PREX2: variants seen among roughly 807,000 people sequenced by gnomAD.
PREX2 encodes phosphatidylinositol 3,4,5-trisphosphate-dependent Rac exchanger 2 protein.
PREX2 carries 107 observed loss-of-function variants against 203.2 expected under a neutral mutation model. The observed-to-expected ratio is 0.53, with a 90% CI of 0.45 to 0.62. PREX2 has a LOEUF of 0.62. PREX2 is among the 20% of genes least tolerant of loss of function. The pLI is 0.00. For missense variants in PREX2, 1,777 were observed against 1,955.9 expected (o/e 0.91, Z 1.72); for synonymous variants, 672 against 663.6 (o/e 1.01, Z -0.19).
At chr8:68,141,063 G>T (rs916470766) in intron 33 of PREX2, among the ~76,000 whole-genome samples, 1 of 152,070 alleles carries the variant, frequency 6.6e-6, no homozygotes, top group African/African-American at 2.4e-5. Flanking sequence ...GGCTTTTTTG[G>T]CATGGAACTT....
chr8:68,103,401 C>T (rs1230809115), intron 23 of PREX2, among the ~76,000 whole-genome samples: 3 of 152,184 alleles, frequency 2.0e-5, no homozygotes, highest in African/African-American at 7.2e-5. Context: ...AAATGTGCTG[C>T]TATAGTCAAT....
chr8:68,087,499 G>A (rs1809728838), intron 18 of PREX2, among the ~76,000 whole-genome samples: 1 of 152,152 alleles, frequency 6.6e-6, no homozygotes, highest in Admixed American at 6.5e-5. Flanking sequence ...ACACTCCAAT[G>A]TTCCTTTTTC....
chr8:68,138,029 AAAC>A (rs1400310251), intron 32 of PREX2, among the ~76,000 whole-genome samples: 18 of 152,230 alleles, frequency 1.2e-4, no homozygotes, highest in Non-Finnish European at 2.4e-4. Context: ...CTTTTAAATA[AAAC>A]AACATTTTTG....
chr8:68,132,026 T>C (rs1209504299), intron 31 of PREX2, among the ~76,000 whole-genome samples: 2 of 152,170 alleles, frequency 1.3e-5, no homozygotes, highest in African/African-American at 4.8e-5. Flanking sequence ...ACTTATTTAG[T>C]TTCTGTCGTG....
At chr8:68,127,257 A>T in intron 30 of PREX2, 121 bp from the exon 31 acceptor site, 1 of 684,738 alleles carries the variant, frequency 1.5e-6, no homozygotes, top group Non-Finnish European at 2.4e-6. Context: ...TGGCAAAACC[A>T]CAACTACTTT....
chr8:67,991,656 T>G (rs1806612712), intron 1 of PREX2, among the ~76,000 whole-genome samples: 1 of 152,118 alleles, frequency 6.6e-6, no homozygotes, highest in African/African-American at 2.4e-5. Context: ...GGTCTCTCCC[T>G]TGACACGTGG....
At chr8:68,021,926 G>A in intron 3 of PREX2, 110 bp from the exon 4 acceptor site, 1 of 635,176 alleles carries the variant, frequency 1.6e-6, no homozygotes, top group Non-Finnish European at 2.8e-6. Flanking sequence ...ACGCAGTATA[G>A]CTCTTAAAAC....
chr8:67,970,010 T>C (rs181017261), intron 1 of PREX2, among the ~76,000 whole-genome samples: 1 of 152,332 alleles, frequency 6.6e-6, no homozygotes, highest in African/African-American at 2.4e-5. Flanking sequence ...TCCTAGTACC[T>C]TCCATATTTT....
chr8:68,116,463 C>G (rs1404363844), intron 26 of PREX2, among the ~76,000 whole-genome samples: 1 of 152,156 alleles, frequency 6.6e-6, no homozygotes, highest in Non-Finnish European at 1.5e-5. Flanking sequence ...TTACTACAAA[C>G]TGGGCAGCTT....
At chr8:68,049,666 A>G (rs1210118113) in intron 8 of PREX2, among the ~76,000 whole-genome samples, 2 of 152,138 alleles carry the variant, frequency 1.3e-5, no homozygotes, top group East Asian at 1.9e-4. Context: ...AAGAATGGCA[A>G]TTTAAAACCT....
chr8:68,097,978 C>T (rs557538625), intron 22 of PREX2, among the ~76,000 whole-genome samples: 82 of 152,236 alleles, frequency 5.4e-4, no homozygotes, highest in African/African-American at 1.9e-3. Context: ...TGAATAGATC[C>T]TCTGATATTT....
chr8:68,161,583 C>G (rs1811654144), intron 35 of PREX2, among the ~76,000 whole-genome samples: 1 of 152,134 alleles, frequency 6.6e-6, no homozygotes, highest in Non-Finnish European at 1.5e-5. Flanking sequence ...GATCCATCTT[C>G]CGCAAACCTT....
In PREX2 at chr8:68,134,178, A is replaced by G; in HGVS notation, c.3886A>G (p.Asn1296Asp). The G allele has an allele frequency of 6.2e-7, 1 of 1,614,130 alleles. No individual in the cohort carries two copies. The highest frequency in any genetic ancestry group is 8.5e-7 in the Non-Finnish European group (1 of 1,180,002). ...LNQMFDNSKE[N>D]EMETWEASRR... ...CCAGATGTTTGACAACAGCAAGGAAAATGAGATGGAAACTTGGGAAGCCAG... is the reference window on the plus strand; with the variant it reads ...CCAGATGTTTGACAACAGCAAGGAAGATGAGATGGAAACTTGGGAAGCCAG... Residue 1296 changes from asparagine (N) to aspartate (D), a missense_variant, in exon 32 of 40, where the codon AAT becomes GAT. Transcript: ENST00000288368.
At position 68,234,175 on chromosome 8, in the gene PREX2, G is replaced by A. The variant is rs965729649; in HGVS notation, c.*2797G>A. On this transcript the variant is annotated 3_prime_UTR_variant, in exon 40 of 40. Coordinates refer to ENST00000288368, the MANE Select transcript of PREX2 (RefSeq NM_024870.4). ...GGTAAGAGTAAAAAACATACCTAAT[G>A]GATGAATGAATAATGACAATTTTTT... is the stretch of plus-strand genomic sequence containing the variant. 1 of 152,046 alleles carries A rather than the reference G, an allele frequency of 6.6e-6. No homozygotes were observed. Among genetic ancestry groups the A allele is most frequent in the Admixed American group, 6.6e-5 (1 of 15,250 alleles). The allele number at this position is 152,046 out of a possible 1,614,324, so 9.4% of individuals were successfully genotyped here.
intron 35 of PREX2, among the ~76,000 whole-genome samples, chr8:68,162,276 A>G (rs1459596753): frequency 6.6e-6 from 1 of 152,184 alleles, no homozygotes; most frequent in Admixed American, 6.5e-5. Flanking sequence ...AAACCATTTT[A>G]TAATTCCTTA....
At chr8:68,057,858 A>G (rs118024156) in intron 10 of PREX2, among the ~76,000 whole-genome samples, 1,960 of 152,308 alleles carry the variant, frequency 0.013, 21 homozygotes, top group Admixed American at 0.02. Context: ...GAGCATAGCT[A>G]TTATAGAAAG....
intron 1 of PREX2, among the ~76,000 whole-genome samples, chr8:67,991,770 G>C (rs1806616564): frequency 6.6e-6 from 1 of 152,150 alleles, no homozygotes. Context: ...AAACATTAGG[G>C]AGTGGCGATG....
chr8:67,988,997 C>A (rs947783311), intron 1 of PREX2, among the ~76,000 whole-genome samples: 54 of 152,170 alleles, frequency 3.5e-4, no homozygotes, highest in African/African-American at 1.2e-3. Context: ...GCCAGATTCA[C>A]AGGCCACTGT....
intron 1 of PREX2, among the ~76,000 whole-genome samples, chr8:67,988,059 T>G (rs1806488036): frequency 1.3e-5 from 2 of 152,236 alleles, no homozygotes. Flanking sequence ...AATGAATGCC[T>G]CATCCTTGTA....
Sources: gnomAD v4.1 joint callset for allele counts (sites outside exome capture counted in the v4.1 genomes callset) on GRCh38, gnomAD v4.1.1 for gene constraint, MANE v1.5 for transcripts, NCBI Gene and HGNC (gene_info 2026-07-23, HGNC 2026-07-21) for gene names.